NTNG1: variants seen among roughly 807,000 people sequenced by gnomAD.
NTNG1 encodes netrin G1.
Under a neutral mutation model 54.0 loss-of-function variants are expected in NTNG1, and 16 were observed. That is an observed-to-expected ratio of 0.30 (90% confidence interval 0.20 to 0.45). The LOEUF (loss-of-function observed/expected upper bound fraction) is 0.45, where lower values mean the gene tolerates loss of function less well. Ranked by LOEUF, NTNG1 falls within the 20% of genes least tolerant of loss-of-function variation. NTNG1 has a pLI of 1.00. For synonymous variants in NTNG1, 255 were observed against 263.1 expected (o/e 0.97, Z 0.30); for missense variants, 530 against 678.7 (o/e 0.78, Z 2.43).
intron 3 of NTNG1, among the ~76,000 whole-genome samples, chr1:107,389,294 G>C (rs1195335161): frequency 1.3e-5 from 2 of 152,020 alleles, no homozygotes; most frequent in Admixed American, 1.3e-4. Flanking sequence ...CTTCACAAAG[G>C]GACATTTTTT....
intron 3 of NTNG1, among the ~76,000 whole-genome samples, chr1:107,369,704 T>C (rs1156347386): frequency 6.6e-6 from 1 of 152,090 alleles, no homozygotes; most frequent in Non-Finnish European, 1.5e-5. Flanking sequence ...TCTCCCAATT[T>C]ATCTTTTCCT....
chr1:107,470,624 C>T (rs565657596), intron 7 of NTNG1, among the ~76,000 whole-genome samples: 1 of 152,296 alleles, frequency 6.6e-6, no homozygotes, highest in South Asian at 2.1e-4. Flanking sequence ...ATATGTGTTG[C>T]CATTTTGTGT....
intron 3 of NTNG1, among the ~76,000 whole-genome samples, chr1:107,383,142 A>G (rs1193323068): frequency 6.6e-6 from 1 of 152,224 alleles, no homozygotes; most frequent in Non-Finnish European, 1.5e-5. Context: ...GTGTAATATA[A>G]CCATTTGATG....
chr1:107,444,766 T>C (rs1558005253), intron 7 of NTNG1, among the ~76,000 whole-genome samples: 1 of 152,074 alleles, frequency 6.6e-6, no homozygotes, highest in African/African-American at 2.4e-5. Context: ...CATGGAAAAA[T>C]GCAGGCACAG....
intron 2 of NTNG1, among the ~76,000 whole-genome samples, chr1:107,160,159 G>C (rs1293373127): frequency 6.6e-6 from 1 of 152,046 alleles, no homozygotes; most frequent in Admixed American, 6.6e-5. Flanking sequence ...TGTCTAGTAG[G>C]CAGTTTAAAC....
chr1:107,249,225 C>A (rs574457125), intron 2 of NTNG1, among the ~76,000 whole-genome samples: 126 of 151,528 alleles, frequency 8.3e-4, no homozygotes, highest in African/African-American at 2.8e-3. Flanking sequence ...GTGGCTCACA[C>A]CTGTAATCCC....
intron 2 of NTNG1, among the ~76,000 whole-genome samples, chr1:107,291,458 A>C (rs1371855110): frequency 6.6e-6 from 1 of 152,154 alleles, no homozygotes; most frequent in Non-Finnish European, 1.5e-5. Context: ...TGTGTCGTTC[A>C]AGGATCAACT....
At chr1:107,407,543 G>A (rs1673509066) in intron 4 of NTNG1, 139 bp from the exon 5 acceptor site, 4 of 639,060 alleles carry the variant, frequency 6.3e-6, no homozygotes. Context: ...ATGTGCACCT[G>A]TATTTTGTGT....
At chr1:107,472,035 G>A (rs74634145) in intron 7 of NTNG1, among the ~76,000 whole-genome samples, 1 of 152,172 alleles carries the variant, frequency 6.6e-6, no homozygotes, top group Non-Finnish European at 1.5e-5. Flanking sequence ...TGCTTGTGAA[G>A]TGAAGAAAGG....
intron 1 of NTNG1, among the ~76,000 whole-genome samples, chr1:107,146,204 C>G (rs149053426): frequency 0.012 from 1,877 of 152,166 alleles, 35 homozygotes; most frequent in African/African-American, 0.043. Flanking sequence ...AAGATTATAT[C>G]ATTCTTGATA....
At chr1:107,392,758 G>A (rs1407357049) in intron 3 of NTNG1, among the ~76,000 whole-genome samples, 2 of 152,100 alleles carry the variant, frequency 1.3e-5, no homozygotes, top group Non-Finnish European at 1.5e-5. Flanking sequence ...CAAATGCACA[G>A]CAGGTATTTC....
At chr1:107,384,960 T>G (rs1671872313) in intron 3 of NTNG1, among the ~76,000 whole-genome samples, 1 of 152,208 alleles carries the variant, frequency 6.6e-6, no homozygotes, top group Admixed American at 6.5e-5. Context: ...AAACTCTGGG[T>G]TTTTATTAAT....
intron 7 of NTNG1, among the ~76,000 whole-genome samples, chr1:107,438,283 C>A (rs902466869): frequency 2.6e-5 from 4 of 152,126 alleles, no homozygotes; most frequent in African/African-American, 7.2e-5. Context: ...AGGTCTCCAG[C>A]CTTGCTGGAG....
chr1:107,350,464 A>G (rs984448480), intron 3 of NTNG1, among the ~76,000 whole-genome samples: 4 of 152,168 alleles, frequency 2.6e-5, no homozygotes, highest in Admixed American at 2.0e-4. Context: ...TTCAACTACC[A>G]TATGATCCAG....
At chr1:107,465,908 C>T (rs546749009) in intron 7 of NTNG1, among the ~76,000 whole-genome samples, 1 of 152,216 alleles carries the variant, frequency 6.6e-6, no homozygotes, top group African/African-American at 2.4e-5. Flanking sequence ...TGTTTCTGGC[C>T]TTTTAATTAT....
At chr1:107,480,393 C>G (rs1403212559) in intron 7 of NTNG1, among the ~76,000 whole-genome samples, 5 of 152,022 alleles carry the variant, frequency 3.3e-5, no homozygotes, top group Admixed American at 1.3e-4. Context: ...CAGCAAAAAT[C>G]TATATGAAAA....
At position 107,463,535 on chromosome 1, in the gene NTNG1, GT is replaced by G. The variant is rs546661910; in HGVS notation, c.1391-17065del. Among the ~76,000 whole-genome samples, 611 of 142,580 alleles carry G rather than the reference GT, an allele frequency of 4.3e-3. 3 individuals carry two copies. The highest frequency in any genetic ancestry group is 6.3e-3 in the Non-Finnish European group (407 of 64,958). 93.5% of individuals were successfully genotyped at this position (142,580 alleles called of 152,430 possible). ...ACAATTTCATTCCATAATAACCTTG[GT>G]TTTTTTTTTTCACTTGTTCCCAGAA... On this transcript the variant is annotated intron_variant, in intron 7 of 7. Transcript: ENST00000370068.
intron 2 of NTNG1, among the ~76,000 whole-genome samples, chr1:107,256,973 A>T (rs1227226275): frequency 6.6e-6 from 1 of 152,108 alleles, no homozygotes; most frequent in East Asian, 1.9e-4. Flanking sequence ...TGACTTTGAA[A>T]TGTTTTTGCT....
intron 2 of NTNG1, among the ~76,000 whole-genome samples, chr1:107,225,015 A>G (rs1346903709): frequency 1.3e-5 from 2 of 152,190 alleles, no homozygotes; most frequent in Non-Finnish European, 2.9e-5. Context: ...AGTACCTAGC[A>G]TATGTTAATA....
Sources: allele counts gnomAD v4.1 joint callset (sites outside exome capture counted in the v4.1 genomes callset), GRCh38; gene constraint gnomAD v4.1.1; transcripts MANE v1.5; gene names NCBI Gene and HGNC (gene_info 2026-07-23, HGNC 2026-07-21).